TCF20: variants seen among roughly 807,000 people sequenced by gnomAD.
TCF20 encodes transcription factor 20.
TCF20 carries 3 observed loss-of-function variants against 148.6 expected under a neutral mutation model. The observed-to-expected ratio is 0.02, with a 90% CI of 0.01 to 0.05. The LOEUF (loss-of-function observed/expected upper bound fraction) is 0.05, where lower values mean the gene tolerates loss of function less well. Ranked by LOEUF, TCF20 falls within the 10% of genes least tolerant of loss-of-function variation. The pLI, the probability that TCF20 is intolerant of heterozygous loss-of-function variation, is 1.00. For missense variants in TCF20, 2,350 were observed against 2,429.3 expected, an observed-to-expected ratio of 0.97 and a Z score of 0.69; for synonymous variants, 1,049 against 909.5, an observed-to-expected ratio of 1.15 and a Z score of -2.76.
intron 1 of TCF20, among the ~76,000 whole-genome samples, chr22:42,231,152 ACT>A (rs1360341765): frequency 6.6e-6 from 1 of 152,056 alleles, no homozygotes; most frequent in African/African-American, 2.4e-5. Flanking sequence ...ACACAGCAAG[ACT>A]CTGTCTCAAA....
At chr22:42,295,598 C>T (rs1251757835) in intron 1 of TCF20, among the ~76,000 whole-genome samples, 1 of 152,110 alleles carries the variant, frequency 6.6e-6, no homozygotes, top group East Asian at 1.9e-4. Context: ...CAGGCACCAC[C>T]ACGCCCGGCT....
intron 1 of TCF20, among the ~76,000 whole-genome samples, chr22:42,267,085 T>G (rs1926327458): frequency 6.6e-6 from 1 of 151,890 alleles, no homozygotes; most frequent in African/African-American, 2.4e-5. Flanking sequence ...CTGACCAACA[T>G]GGAGAAATCC....
At chr22:42,301,331 G>A (rs749144202) in intron 1 of TCF20, among the ~76,000 whole-genome samples, 1 of 152,242 alleles carries the variant, frequency 6.6e-6, no homozygotes, top group Non-Finnish European at 1.5e-5. Context: ...GCCCCAGGGA[G>A]ACAGAGGAGA....
intron 1 of TCF20, among the ~76,000 whole-genome samples, chr22:42,251,250 C>T (rs1273111921): frequency 6.6e-6 from 1 of 152,082 alleles, no homozygotes; most frequent in African/African-American, 2.4e-5. Flanking sequence ...CAGACAGCGC[C>T]ATCACAGCTC....
chr22:42,218,769 C>T (rs906533883), intron 1 of TCF20, among the ~76,000 whole-genome samples: 1 of 151,972 alleles, frequency 6.6e-6, no homozygotes, highest in Non-Finnish European at 1.5e-5. Context: ...TGAGGCTGCC[C>T]TATCTCCAGA....
rs904277106 is a variant in TCF20 at position 42,160,709 on chromosome 22, T to A, written c.*694A>T. ...AAAAATTTATTTTTGTGTTTAAACA[T>A]CATTCCCCTACTCTTGAAAACATGG... On this transcript the variant is annotated 3_prime_UTR_variant, in exon 6 of 6. Coordinates refer to ENST00000677622, the MANE Select transcript of TCF20 (RefSeq NM_001378418.1). 6.6e-6 allele frequency: 1 copy of A among 152,248 alleles called. No individual in the cohort carries two copies. Among genetic ancestry groups the A allele is most frequent in the African/African-American group, 2.4e-5 (1 of 41,380 alleles). The allele number at this position is 152,248 out of a possible 1,614,324, so 9.4% of individuals were successfully genotyped here. A position where few individuals can be genotyped will look rare whatever the true frequency, so the allele number is the denominator to read the frequency against.
rs750976051 is a variant in TCF20, at chr22:42,210,496, T to C, written c.4810A>G (p.Ile1604Val). The C allele has an allele frequency of 5.6e-6, 9 of 1,614,224 alleles. No homozygotes were observed. The highest frequency in any genetic ancestry group is 5.5e-5 in the South Asian group (5 of 91,080). ...RKRKTKQAVP[I>V]VEPQEPEIKL... Reference sequence around the variant, plus strand: ...ATCTCAGGTTCTTGGGGTTCCACAATGGGAACTGCTTGTTTGGTTTTTCGC... The same window carrying C: ...ATCTCAGGTTCTTGGGGTTCCACAACGGGAACTGCTTGTTTGGTTTTTCGC... The change falls in exon 2 of 6, where the codon ATT (isoleucine) becomes GTT (valine). Residue 1604 changes from isoleucine (I) to valine (V), a missense_variant. Coordinates refer to ENST00000677622, the MANE Select transcript of TCF20 (RefSeq NM_001378418.1). The surrounding 1 kb of genome is among the most constrained non-coding windows in gnomAD (Gnocchi z 4.7).
intron 1 of TCF20, among the ~76,000 whole-genome samples, chr22:42,330,050 C>A (rs551920448): frequency 6.6e-6 from 1 of 152,308 alleles, no homozygotes; most frequent in East Asian, 1.9e-4. Flanking sequence ...GAGCTTAAGG[C>A]CTCAACAGGG....
At chr22:42,300,951 C>T (rs1927325907) in intron 1 of TCF20, among the ~76,000 whole-genome samples, 1 of 152,150 alleles carries the variant, frequency 6.6e-6, no homozygotes, top group Non-Finnish European at 1.5e-5. Context: ...TTAACCCCAC[C>T]TTCAGAGGCC....
chr22:42,183,005 G>A (rs1569114069), intron 2 of TCF20, among the ~76,000 whole-genome samples: 1 of 152,204 alleles, frequency 6.6e-6, no homozygotes, highest in Non-Finnish European at 1.5e-5. Flanking sequence ...CCAAAGTGCT[G>A]GGATTACAGG....
chr22:42,172,736 T>TA (rs1936203712), intron 3 of TCF20, among the ~76,000 whole-genome samples: 1 of 152,234 alleles, frequency 6.6e-6, no homozygotes, highest in Non-Finnish European at 1.5e-5. Flanking sequence ...AAGAAGGGTT[T>TA]AATGTCCTTT....
intron 2 of TCF20, among the ~76,000 whole-genome samples, chr22:42,186,760 T>C (rs565846042): frequency 6.6e-6 from 1 of 152,294 alleles, no homozygotes; most frequent in African/African-American, 2.4e-5. Flanking sequence ...CCCTCTCAAT[T>C]CTCCTATCTG....
At position 42,317,771 on chromosome 22, in the gene TCF20, T is replaced by C. The variant is rs1209657552; in HGVS notation, c.-37+25708A>G. On this transcript the variant is annotated intron_variant, in intron 1 of 1. Coordinates refer to the TCF20 transcript ENST00000515426. This position sits in a 1 kb window ranked among gnomAD's most constrained non-coding sequence, Gnocchi z 4.2. ...GGGAGCCGAGGTGGGCACAGGGCGATCCCTCCCTCACAACGCTACAGAGAA... is the reference window on the plus strand; with the variant it reads ...GGGAGCCGAGGTGGGCACAGGGCGACCCCTCCCTCACAACGCTACAGAGAA... Among the ~76,000 whole-genome samples, 8 of 151,972 alleles carry C rather than the reference T, an allele frequency of 5.3e-5. No individual in the cohort carries two copies. Among genetic ancestry groups the C allele is most frequent in the African/African-American group, 1.9e-4 (8 of 41,354 alleles).
At chr22:42,267,824 T>G (rs1019633688) in intron 1 of TCF20, among the ~76,000 whole-genome samples, 1 of 152,074 alleles carries the variant, frequency 6.6e-6, no homozygotes, top group Non-Finnish European at 1.5e-5. Flanking sequence ...TGGGATCCTT[T>G]TGGAAACTGT....
In TCF20 at chr22:42,270,604, G is replaced by C. The variant is rs867847293; in HGVS notation, c.-302C>G. 3.3e-4 allele frequency among the ~76,000 whole-genome samples: 48 copies of C among 145,726 alleles called. No homozygotes were observed. Among genetic ancestry groups the C allele is most frequent in the African/African-American group, 1.1e-3 (45 of 40,738 alleles). On this transcript the variant is annotated 5_prime_UTR_variant, in exon 1 of 6. Transcript: ENST00000677622. The stretch of plus-strand genomic sequence containing the variant: ...GGCCGCCTCGCAGGGGCCGAAAGCG[G>C]CTGGGCTCGGGGTTTTTTCTCTCCA...
chr22:42,205,810 C>A (rs892380166), intron 2 of TCF20, among the ~76,000 whole-genome samples: 1 of 152,166 alleles, frequency 6.6e-6, no homozygotes, highest in Non-Finnish European at 1.5e-5. Flanking sequence ...CCCACTCAGT[C>A]GCCCAGGCTA....
At chr22:42,166,450 A>C (rs1396777569) in intron 5 of TCF20, among the ~76,000 whole-genome samples, 2 of 152,176 alleles carry the variant, frequency 1.3e-5, no homozygotes, top group Admixed American at 1.3e-4. Context: ...TCTACAAAAA[A>C]TACAAAAATT....
chr22:42,265,243 T>C (rs1926221735), intron 1 of TCF20, among the ~76,000 whole-genome samples: 1 of 152,212 alleles, frequency 6.6e-6, no homozygotes, highest in Admixed American at 6.5e-5. Context: ...AATCAAAAAC[T>C]ATCCAGTGCA....
At chr22:42,196,829 T>C (rs1428561731) in intron 2 of TCF20, among the ~76,000 whole-genome samples, 1 of 152,146 alleles carries the variant, frequency 6.6e-6, no homozygotes, top group African/African-American at 2.4e-5. Context: ...CTGGTGGTGC[T>C]AGTCCATCAG....
Sources: gnomAD v4.1 joint callset for allele counts (sites outside exome capture counted in the v4.1 genomes callset) on GRCh38, gnomAD v4.1.1 for gene constraint, Gnocchi (gnomAD v3.1) non-coding constraint, MANE v1.5 for transcripts, NCBI Gene and HGNC (gene_info 2026-07-23, HGNC 2026-07-21) for gene names.